NPR3: variants seen among roughly 807,000 people sequenced by gnomAD.
NPR3 encodes the protein natriuretic peptide receptor 3.
A neutral mutation model predicts 54.5 loss-of-function variants in NPR3; 34 were observed. That is an observed-to-expected ratio of 0.62 (90% CI 0.47 to 0.83). The LOEUF (loss-of-function observed/expected upper bound fraction) is 0.83, where lower values mean the gene tolerates loss of function less well. Among genes scored for constraint, NPR3 ranks in the 40% least tolerant of loss-of-function variants. The pLI is 0.00. For synonymous variants in NPR3, 289 were observed against 297.1 expected (o/e 0.97, Z 0.28); for missense variants, 674 against 720.8 (o/e 0.94, Z 0.74).
chr5:32,786,283 A>G lies in NPR3; in HGVS notation c.1564A>G (p.Asn522Asp), dbSNP rs2270915. ...IERRTQQEESNLGKHRELRED... is the reference protein window; with the variant it reads ...IERRTQQEESDLGKHRELRED... Reference sequence around the variant, plus strand: ...GAGGCGAACCCAGCAAGAAGAAAGTAACCTTGGAAAACATCGGGAATTACG... The same window carrying G: ...GAGGCGAACCCAGCAAGAAGAAAGTGACCTTGGAAAACATCGGGAATTACG... Residue 522 changes from asparagine (N) to aspartate (D), a missense_variant, in exon 8 of 8, where the codon AAC (asparagine) becomes GAC (aspartate). Coordinates refer to ENST00000265074, the MANE Select transcript of NPR3 (RefSeq NM_001204375.2). The G allele has an allele frequency of 0.21, 332,101 of 1,581,236 alleles. 36,640 individuals carry two copies. The highest frequency in any genetic ancestry group is 0.27 in the South Asian group (23,626 of 87,694).
chr5:32,712,395 G>A lies in NPR3; in HGVS notation c.619G>A (p.Asp207Asn), dbSNP rs1339548127. The part of the protein sequence containing the change: ...WSRAALVYSD[D>N]KLERNCYFTL... ...CCGCGCTGCACTGGTCTACAGCGACGACAAGCTGGAGCGGAACTGCTACTT... is the reference window on the plus strand; with the variant it reads ...CCGCGCTGCACTGGTCTACAGCGACAACAAGCTGGAGCGGAACTGCTACTT... Residue 207 changes from aspartate to asparagine, a missense_variant, in exon 1 of 8, where the codon GAC becomes AAC. By Grantham distance (23) the Asp-to-Asn change is conservative. Coordinates refer to ENST00000265074, the MANE Select transcript of NPR3 (RefSeq NM_001204375.2). 1.9e-6 allele frequency: 3 copies of A among 1,613,200 alleles called. No homozygotes were observed. The highest frequency in any genetic ancestry group is 2.7e-5 in the African/African-American group (2 of 74,958).
chr5:32,701,040 A>G (rs915470881), intron 1 of NPR3, among the ~76,000 whole-genome samples: 5 of 152,178 alleles, frequency 3.3e-5, no homozygotes, highest in African/African-American at 1.2e-4. Flanking sequence ...CTCTTTCTCC[A>G]CATCCTCTCC....
intron 3 of NPR3, among the ~76,000 whole-genome samples, 156 bp downstream of exon 3, chr5:32,739,186 T>G (rs1257949411): frequency 2.0e-5 from 3 of 150,360 alleles, no homozygotes; most frequent in Admixed American, 6.6e-5. Context: ...TGTGTGTGTT[T>G]TTTTTTTTTC....
At chr5:32,693,290 C>T (rs916940238) in intron 1 of NPR3, among the ~76,000 whole-genome samples, 41 of 151,984 alleles carry the variant, frequency 2.7e-4, no homozygotes, top group Admixed American at 6.6e-4. Flanking sequence ...TTTATTGTTT[C>T]GTTCTTTCTC....
chr5:32,732,450 A>G (rs1739513183), intron 2 of NPR3, among the ~76,000 whole-genome samples: 2 of 152,038 alleles, frequency 1.3e-5, no homozygotes, highest in South Asian at 4.1e-4. Flanking sequence ...CATTTCACTG[A>G]CTAGCTCTAG....
intron 3 of NPR3, among the ~76,000 whole-genome samples, chr5:32,773,709 G>A (rs1741890230): frequency 6.6e-6 from 1 of 152,004 alleles, no homozygotes; most frequent in African/African-American, 2.4e-5. Context: ...TATTTGTACT[G>A]TATTCTGAAC....
chr5:32,701,137 C>G (rs755069263), intron 1 of NPR3, among the ~76,000 whole-genome samples: 1 of 152,228 alleles, frequency 6.6e-6, no homozygotes, highest in Non-Finnish European at 1.5e-5. Context: ...TTGCATTTCT[C>G]TGATGACCAC....
Position 32,692,725 on chromosome 5 carries a change from T to C in NPR3, c.100+3539T>C, listed in dbSNP as rs188939767. 2.4e-4 allele frequency among the ~76,000 whole-genome samples: 36 copies of C among 152,278 alleles called. No individual in the cohort carries two copies. In the East Asian group the frequency reaches 6.0e-3, roughly 25 times the overall value. On this transcript the variant is annotated intron_variant, in intron 1 of 5. Transcript: ENST00000509104. ...CATTGCACATCATGGTAATAGAAAA[T>C]TTCCTCATTACCTTAAATTTCTGTT... is the stretch of plus-strand genomic sequence containing the variant.
chr5:32,724,075 T>C (rs1739007735), intron 1 of NPR3, among the ~76,000 whole-genome samples: 1 of 152,224 alleles, frequency 6.6e-6, no homozygotes, highest in South Asian at 2.1e-4. Flanking sequence ...GAATGTTTAC[T>C]TACATAACCA....
At chr5:32,777,932 C>T (rs1475281439) in intron 4 of NPR3, among the ~76,000 whole-genome samples, 1 of 152,198 alleles carries the variant, frequency 6.6e-6, no homozygotes, top group African/African-American at 2.4e-5. Context: ...TCTGTGGACA[C>T]AACCTTGGTC....
At chr5:32,697,841 C>T (rs896365698) in intron 1 of NPR3, among the ~76,000 whole-genome samples, 3 of 151,982 alleles carry the variant, frequency 2.0e-5, no homozygotes, top group African/African-American at 7.2e-5. Flanking sequence ...GTAATGTCTC[C>T]TTTTTCATCT....
At chr5:32,758,401 T>C (rs1740966524) in intron 3 of NPR3, among the ~76,000 whole-genome samples, 2 of 152,248 alleles carry the variant, frequency 1.3e-5, no homozygotes, top group South Asian at 4.1e-4. Flanking sequence ...GAGGTGTTTA[T>C]AGTATTCTCT....
chr5:32,773,186 C>T (rs1165057617), intron 3 of NPR3, among the ~76,000 whole-genome samples: 1 of 152,188 alleles, frequency 6.6e-6, no homozygotes, highest in East Asian at 1.9e-4. Context: ...CCAGTTCATT[C>T]TGCATCATTG....
At chr5:32,756,386 C>G (rs1402083337) in intron 3 of NPR3, among the ~76,000 whole-genome samples, 1 of 152,212 alleles carries the variant, frequency 6.6e-6, no homozygotes, top group East Asian at 1.9e-4. Flanking sequence ...TGTCTGTTGA[C>G]TGCATAAATG....
chr5:32,765,437 A>G (rs1741400471), intron 3 of NPR3, among the ~76,000 whole-genome samples: 1 of 152,160 alleles, frequency 6.6e-6, no homozygotes, highest in East Asian at 1.9e-4. Flanking sequence ...AGTGAGTGAG[A>G]GAGGGGATGA....
chr5:32,777,253 A>G (rs950203544), intron 4 of NPR3, among the ~76,000 whole-genome samples: 5 of 152,222 alleles, frequency 3.3e-5, no homozygotes, highest in Non-Finnish European at 7.3e-5. Flanking sequence ...GCTATGTGGA[A>G]AATAAACTAT....
intron 3 of NPR3, among the ~76,000 whole-genome samples, chr5:32,764,367 G>GT (rs1561120471): frequency 2.0e-5 from 3 of 151,978 alleles, no homozygotes; most frequent in Non-Finnish European, 4.4e-5. Flanking sequence ...GGGCCAGGGG[G>GT]TACCCTCAAG....
At chr5:32,775,985 C>T (rs1034211221) in intron 4 of NPR3, among the ~76,000 whole-genome samples, 2 of 152,194 alleles carry the variant, frequency 1.3e-5, no homozygotes, top group Non-Finnish European at 2.9e-5. Flanking sequence ...GAAATTTAAA[C>T]AGTACAAAAA....
intron 1 of NPR3, chr5:32,713,379 T>A (rs1201178488): frequency 1.0e-6 from 1 of 985,352 alleles, no homozygotes; most frequent in African/African-American, 1.7e-5. Context: ...ATGGTGGCTA[T>A]GGCTTCGGGG....
Sources: allele counts gnomAD v4.1 joint callset (sites outside exome capture counted in the v4.1 genomes callset), GRCh38; gene constraint gnomAD v4.1.1; transcripts MANE v1.5; gene names NCBI Gene and HGNC (gene_info 2026-07-23, HGNC 2026-07-21).